Variants in RBMS3 observed in about 807,000 individuals in gnomAD.
RBMS3 encodes RNA binding motif single stranded interacting protein 3.
In RBMS3, 27 loss-of-function variants were observed where a neutral mutation model predicts 66.8. The ratio of observed to expected loss-of-function variants is 0.40; its 90% CI spans 0.30 to 0.56. RBMS3 has a LOEUF of 0.56. Among genes scored for constraint, RBMS3 ranks in the 20% least tolerant of loss-of-function variants. RBMS3 has a pLI of 0.40. For missense variants in RBMS3, 513 were observed against 549.5 expected, an observed-to-expected ratio of 0.93 and a Z score of 0.66; for synonymous variants, 188 against 183.0, an observed-to-expected ratio of 1.03 and a Z score of -0.22.
At chr3:29,412,752 T>A (rs2040316998) in intron 1 of RBMS3, among the ~76,000 whole-genome samples, 1 of 152,168 alleles carries the variant, frequency 6.6e-6, no homozygotes, top group South Asian at 2.1e-4. Flanking sequence ...AAGGACAAAA[T>A]GTTTATCACC....
At chr3:30,002,450 A>G (rs1415740470) in intron 14 of RBMS3, among the ~76,000 whole-genome samples, 1 of 151,984 alleles carries the variant, frequency 6.6e-6, no homozygotes, top group Admixed American at 6.6e-5. Flanking sequence ...TCCCTTAGTA[A>G]TATAGATTTT....
At chr3:29,964,714 T>G (rs935718314) in intron 12 of RBMS3, among the ~76,000 whole-genome samples, 2 of 152,180 alleles carry the variant, frequency 1.3e-5, no homozygotes, top group African/African-American at 4.8e-5. Flanking sequence ...TTTTTAATTT[T>G]CTTAATTTTA....
intron 1 of RBMS3, among the ~76,000 whole-genome samples, chr3:29,348,669 A>G (rs1421188745): frequency 1.3e-5 from 2 of 152,130 alleles, no homozygotes; most frequent in Non-Finnish European, 2.9e-5. Flanking sequence ...TTTCACTAAT[A>G]AGTTGAGTAG....
At chr3:29,665,623 A>G (rs969351996) in intron 4 of RBMS3, among the ~76,000 whole-genome samples, 1 of 152,224 alleles carries the variant, frequency 6.6e-6, no homozygotes, top group Admixed American at 6.5e-5. Flanking sequence ...GTAAGTCAGC[A>G]TTTAAGTTTG....
intron 5 of RBMS3, among the ~76,000 whole-genome samples, chr3:29,746,403 C>T (rs1164208936): frequency 6.6e-6 from 1 of 152,228 alleles, no homozygotes; most frequent in East Asian, 1.9e-4. Context: ...CTCCAAACTA[C>T]AGCTGTGTTT....
intron 6 of RBMS3, among the ~76,000 whole-genome samples, chr3:29,825,568 A>T (rs1455956562): frequency 6.6e-6 from 1 of 152,034 alleles, no homozygotes; most frequent in African/African-American, 2.4e-5. Context: ...GTTCCCCTGC[A>T]CGGGCTCTCT....
chr3:29,546,824 AC>A (rs1408828993), intron 3 of RBMS3, among the ~76,000 whole-genome samples: 1 of 152,134 alleles, frequency 6.6e-6, no homozygotes, highest in African/African-American at 2.4e-5. Context: ...ACCTCTTCCT[AC>A]CTGAATCAGA....
intron 1 of RBMS3, among the ~76,000 whole-genome samples, chr3:29,359,875 A>G (rs920874716): frequency 1.7e-4 from 26 of 152,158 alleles, no homozygotes; most frequent in Non-Finnish European, 2.5e-4. Context: ...TTGTATTTCT[A>G]TGGGATCAGT....
intron 2 of RBMS3, among the ~76,000 whole-genome samples, chr3:29,477,970 T>C (rs756000764): frequency 6.6e-6 from 1 of 152,122 alleles, no homozygotes; most frequent in Non-Finnish European, 1.5e-5. Context: ...GATTTCACCA[T>C]GTTGCCCAGG....
At chr3:29,455,111 C>T (rs1422509943) in intron 2 of RBMS3, among the ~76,000 whole-genome samples, 1 of 152,144 alleles carries the variant, frequency 6.6e-6, no homozygotes, top group African/African-American at 2.4e-5. Flanking sequence ...TCATAATGCA[C>T]TCTACATTTT....
chr3:29,850,259 T>G (rs1285691970), intron 6 of RBMS3, among the ~76,000 whole-genome samples: 1 of 152,180 alleles, frequency 6.6e-6, no homozygotes, highest in African/African-American at 2.4e-5. Flanking sequence ...TTCTTTAAGC[T>G]CCTAGGGTAG....
intron 13 of RBMS3, among the ~76,000 whole-genome samples, chr3:29,989,844 A>T (rs1698710581): frequency 6.6e-6 from 1 of 152,216 alleles, no homozygotes; most frequent in Non-Finnish European, 1.5e-5. Context: ...TAAGAAAATT[A>T]AAAATCTGGA....
At chr3:29,997,771 AAAT>A (rs1351373074) in intron 14 of RBMS3, among the ~76,000 whole-genome samples, 2 of 152,122 alleles carry the variant, frequency 1.3e-5, no homozygotes, top group African/African-American at 4.8e-5. Flanking sequence ...ACGTATTTCA[AAAT>A]AATAAGAGCT....
intron 1 of RBMS3, among the ~76,000 whole-genome samples, chr3:29,357,191 C>G (rs2037273546): frequency 6.6e-6 from 1 of 152,118 alleles, no homozygotes; most frequent in Non-Finnish European, 1.5e-5. Context: ...AATGCTATCC[C>G]TCCCCCAGCC....
chr3:29,788,824 C>T (rs1363928296), intron 6 of RBMS3, among the ~76,000 whole-genome samples: 2 of 151,958 alleles, frequency 1.3e-5, no homozygotes, highest in Admixed American at 1.3e-4. Flanking sequence ...AATTATTTTC[C>T]TCATAGGTTA....
At chr3:29,470,104 A>G (rs2042671924) in intron 2 of RBMS3, among the ~76,000 whole-genome samples, 1 of 150,488 alleles carries the variant, frequency 6.6e-6, no homozygotes. Flanking sequence ...ATAATAAATT[A>G]TAACACAAAT....
intron 4 of RBMS3, among the ~76,000 whole-genome samples, chr3:29,652,470 C>A (rs1403277771): frequency 6.6e-6 from 1 of 151,954 alleles, no homozygotes; most frequent in Non-Finnish European, 1.5e-5. Context: ...CTACATTTAC[C>A]CATTTAATAT....
chr3:29,319,190 C>A (rs2034865983), intron 1 of RBMS3, among the ~76,000 whole-genome samples: 2 of 152,014 alleles, frequency 1.3e-5, no homozygotes, highest in Admixed American at 6.6e-5. Context: ...AAAGGATTCA[C>A]CTTTCTCATT....
At chr3:29,372,104 A>G (rs1329239185) in intron 1 of RBMS3, among the ~76,000 whole-genome samples, 2 of 152,090 alleles carry the variant, frequency 1.3e-5, no homozygotes, top group African/African-American at 4.8e-5. Flanking sequence ...GCTTCCAATG[A>G]TTGCCGTTAG....
Sources: gnomAD v4.1 joint callset for allele counts (sites outside exome capture counted in the v4.1 genomes callset) on GRCh38, gnomAD v4.1.1 for gene constraint, MANE v1.5 for transcripts, NCBI Gene and HGNC (gene_info 2026-07-23, HGNC 2026-07-21) for gene names.